PARG: variants seen among roughly 807,000 people sequenced by gnomAD.
PARG encodes the protein poly(ADP-ribose) glycohydrolase.
In PARG, 35 loss-of-function variants were observed where a neutral mutation model predicts 113.0. That is an observed-to-expected ratio of 0.31 (90% CI 0.24 to 0.41). PARG has a LOEUF of 0.41. Among genes scored for constraint, PARG ranks in the 10% least tolerant of loss-of-function variants. PARG has a pLI of 1.00. For missense variants in PARG, 797 were observed against 1,169.4 expected (o/e 0.68, Z 4.64); for synonymous variants, 330 against 409.9 (o/e 0.81, Z 2.36).
chr10:49,860,190 G>A (rs1554835694), intron 12 of PARG, among the ~76,000 whole-genome samples: 2 of 152,318 alleles, frequency 1.3e-5, no homozygotes, highest in East Asian at 1.9e-4. Flanking sequence ...CTAATCTACC[G>A]AGGTCTCACA....
At chr10:49,841,325 C>G (rs1845227129) in intron 15 of PARG, among the ~76,000 whole-genome samples, 1 of 152,138 alleles carries the variant, frequency 6.6e-6, no homozygotes, top group Non-Finnish European at 1.5e-5. Flanking sequence ...AAAAGAAAAT[C>G]TCTGCTGTTT....
chr10:49,829,656 CAACAA>C (rs1844558735), intron 16 of PARG, among the ~76,000 whole-genome samples: 1 of 151,996 alleles, frequency 6.6e-6, no homozygotes, highest in Non-Finnish European at 1.5e-5. Context: ...AAAAAACCCC[CAACAA>C]AACAAAACAA....
intron 15 of PARG, among the ~76,000 whole-genome samples, chr10:49,841,731 A>T (rs1845248659): frequency 6.6e-6 from 1 of 152,246 alleles, no homozygotes; most frequent in African/African-American, 2.4e-5. Flanking sequence ...TGGGGTTTAA[A>T]ACTAAGCAAC....
rs1429602224 is a variant in PARG, at chr10:49,832,813, G to A, written c.2637C>T (p.Ala879=). The A allele has an allele frequency of 7.2e-6, 11 of 1,535,842 alleles. No individual in the cohort carries two copies. The highest frequency in any genetic ancestry group is 2.0e-5 in the Admixed American group (1 of 50,546). The part of the protein sequence containing the change: ...NWGCGAFGGD[A]RLKALIQILA... ...TCTACAACAACTTACCTTTTAACCT[G>A]GCATCACCCCCAAAGGCACCACAGC... Residue 879 remains alanine (A), a synonymous_variant, in exon 16 of 18, where the codon GCC becomes GCT. Coordinates refer to ENST00000616448, the MANE Select transcript of PARG (RefSeq NM_003631.5).
chr10:49,920,561 CGTATATATACGT>C (rs1247744064), intron 6 of PARG, among the ~76,000 whole-genome samples: 3 of 111,778 alleles, frequency 2.7e-5, no homozygotes, highest in Admixed American at 9.6e-5. Flanking sequence ...TACATATATA[CGTATATATACGT>C]GTATATATAT....
intron 6 of PARG, 111 bp downstream of exon 6, chr10:49,922,225 A>G (rs1270671329): frequency 8.7e-7 from 1 of 1,155,196 alleles, no homozygotes; most frequent in African/African-American, 1.6e-5. Flanking sequence ...GCCAGGAAGC[A>G]AGCATTTTGC....
At chr10:49,915,099 G>A (rs1554847233) in intron 7 of PARG, among the ~76,000 whole-genome samples, 1 of 150,606 alleles carries the variant, frequency 6.6e-6, no homozygotes. Flanking sequence ...TCTTAAATAT[G>A]ATCCCGAAAA....
At chr10:49,917,488 C>CAAAAAAAAA (rs71026277) in intron 6 of PARG, among the ~76,000 whole-genome samples, 8 of 47,496 alleles carry the variant, frequency 1.7e-4, no homozygotes, top group East Asian at 6.0e-4. Flanking sequence ...GACTCCGTCT[C>CAAAAAAAAA]AAAAAAAAAA....
In PARG at chr10:49,857,438, G is replaced by A. The variant is rs373655188; in HGVS notation, c.2221C>T (p.Arg741Cys). 1.2e-5 allele frequency: 20 copies of A among 1,612,574 alleles called. No homozygotes were observed. Among genetic ancestry groups the A allele is most frequent in the South Asian group, 3.3e-5 (3 of 90,814 alleles). Reference sequence around the variant, plus strand: ...CTGGTTACACCACCTCCAACAAAACGATTTGCAAAATCCACCTGTTGGGGA... The same window carrying A: ...CTGGTTACACCACCTCCAACAAAACAATTTGCAAAATCCACCTGTTGGGGA... ...QGMLQVDFAN[R>C]FVGGGVTSAG... Residue 741 changes from arginine to cysteine, a missense_variant, in exon 13 of 18, where the codon CGT (arginine) becomes TGT (cysteine). This residue lies in a region of PARG where 40 missense variants were observed against 124.5 expected (regional missense o/e 0.32). Transcript: ENST00000616448.
intron 3 of PARG, among the ~76,000 whole-genome samples, chr10:49,932,870 T>C (rs1838559149): frequency 6.6e-5 from 10 of 150,410 alleles, no homozygotes. Context: ...TCTAGAAGAA[T>C]GTCTGGCTGA....
At chr10:49,880,019 T>C (rs1847139200) in intron 8 of PARG, among the ~76,000 whole-genome samples, 189 bp from the exon 9 acceptor site, 1 of 150,700 alleles carries the variant, frequency 6.6e-6, no homozygotes, top group South Asian at 2.1e-4. Context: ...AAAATGCACT[T>C]ATTTGACAAA....
intron 15 of PARG, among the ~76,000 whole-genome samples, chr10:49,838,721 GA>G (rs200387315): frequency 5.4e-5 from 8 of 149,528 alleles, no homozygotes; most frequent in East Asian, 2.0e-4. Flanking sequence ...TGTATAATTT[GA>G]AAAAAAAACT....
rs1205325553 is a variant in PARG, at chr10:49,941,976, C to G, written c.-251G>C. 21 of 905,712 alleles carry G rather than the reference C, an allele frequency of 2.3e-5. No homozygotes were observed. Among genetic ancestry groups the G allele is most frequent in the Non-Finnish European group, 3.3e-5 (19 of 575,420 alleles). 56.1% of individuals were successfully genotyped at this position (905,712 alleles called of 1,614,324 possible). On this transcript the variant is annotated 5_prime_UTR_variant, in exon 1 of 18. Coordinates refer to ENST00000616448, the MANE Select transcript of PARG (RefSeq NM_003631.5). ...CTTTGATTCGGGATTCGTTCACTTT[C>G]CCACCACCGGAAAGCTGCCGTCAGG...
At chr10:49,868,545 T>A (rs548117277) in intron 10 of PARG, among the ~76,000 whole-genome samples, 26 of 152,262 alleles carry the variant, frequency 1.7e-4, no homozygotes, top group Non-Finnish European at 3.5e-4. Flanking sequence ...AAGTACACTG[T>A]AATGCAAGAG....
At chr10:49,856,437 C>T (rs1225186201) in intron 13 of PARG, among the ~76,000 whole-genome samples, 1 of 152,108 alleles carries the variant, frequency 6.6e-6, no homozygotes, top group African/African-American at 2.4e-5. Context: ...GCCTTGGCCT[C>T]CCAAAGCGCT....
chr10:49,852,739 T>G (rs3876999), intron 13 of PARG, among the ~76,000 whole-genome samples: 83 of 151,556 alleles, frequency 5.5e-4, no homozygotes, highest in African/African-American at 1.4e-3. Flanking sequence ...TAATTTTTTG[T>G]ATTTTTAGTA....
chr10:49,930,056 A>T (rs1262314615), intron 4 of PARG, among the ~76,000 whole-genome samples: 17 of 152,118 alleles, frequency 1.1e-4, no homozygotes, highest in Non-Finnish European at 2.2e-4. Context: ...CATTTTACAA[A>T]CTTTATTTTG....
rs1361126543 is a variant in PARG at position 49,820,240 on chromosome 10, T to C, written c.2701A>G (p.Thr901Ala). ...CTCATCAATTCTGAGTCCCCAAAGG[T>C]GAAATAAACCACATCTCGCTCAGCT... The part of the protein sequence containing the change: ...AAAERDVVYF[T>A]FGDSELMRDI... The change falls in exon 17 of 18, where the codon ACC becomes GCC. Residue 901 changes from threonine to alanine, a missense_variant. This residue lies in a region of PARG where 194 missense variants were observed against 247.1 expected (regional missense o/e 0.79). Coordinates refer to ENST00000616448, the MANE Select transcript of PARG (RefSeq NM_003631.5). 2.6e-6 allele frequency: 4 copies of C among 1,544,754 alleles called. No homozygotes were observed. Among genetic ancestry groups the C allele is most frequent in the Non-Finnish European group, 3.5e-6 (4 of 1,140,856 alleles).
At chr10:49,935,288 A>C in intron 1 of PARG, 146 bp from the exon 2 acceptor site, 1 of 572,952 alleles carries the variant, frequency 1.7e-6, no homozygotes, top group East Asian at 3.0e-5. Context: ...TGGGTAAGAC[A>C]GGAACATAAA....
Sources: gnomAD v4.1 joint callset for allele counts (sites outside exome capture counted in the v4.1 genomes callset) on GRCh38, gnomAD v4.1.1 for gene constraint, gnomAD v4.1.1 regional missense constraint, MANE v1.5 for transcripts, NCBI Gene and HGNC (gene_info 2026-07-23, HGNC 2026-07-21) for gene names.